Variants in PRRX2 observed in about 807,000 individuals in gnomAD.
The protein encoded by PRRX2 is paired related homeobox 2, also known as paired mesoderm homeobox protein 2.
A neutral mutation model predicts 18.0 loss-of-function variants in PRRX2; 11 were observed. That is an observed-to-expected ratio of 0.61 (90% confidence interval 0.39 to 1.01). The LOEUF (loss-of-function observed/expected upper bound fraction) is 1.01, where lower values mean the gene tolerates loss of function less well. PRRX2 is among the 50% of genes least tolerant of loss of function. The pLI is 0.01. For missense variants in PRRX2, 387 were observed against 351.0 expected (o/e 1.10, Z -0.82); for synonymous variants, 177 against 154.8 (o/e 1.14, Z -1.06).
chr9:129,718,128 G>A (rs895747592), intron 1 of PRRX2, among the ~76,000 whole-genome samples: 2 of 151,644 alleles, frequency 1.3e-5, no homozygotes, highest in African/African-American at 4.8e-5. Context: ...ACCTCCCCAG[G>A]GTTCTGCTGG....
chr9:129,722,112 GA>G (rs1832800324), intron 3 of PRRX2, 104 bp from the exon 4 acceptor site: 3 of 1,489,922 alleles, frequency 2.0e-6, no homozygotes, highest in Non-Finnish European at 2.7e-6. Flanking sequence ...GGCTGCCCAG[GA>G]GAGCAAGCTA....
chr9:129,684,375 C>T (rs1832270004), intron 1 of PRRX2, among the ~76,000 whole-genome samples: 1 of 151,426 alleles, frequency 6.6e-6, no homozygotes, highest in Non-Finnish European at 1.5e-5. Context: ...TCTCTGGCTT[C>T]ACCCTTTCCT....
chr9:129,688,897 G>T (rs1832325724), intron 1 of PRRX2, among the ~76,000 whole-genome samples: 1 of 152,196 alleles, frequency 6.6e-6, no homozygotes, highest in Non-Finnish European at 1.5e-5. Flanking sequence ...CCTCCCCTCT[G>T]CGGCCTCAGG....
Position 129,665,781 on chromosome 9 carries a change from G to A in PRRX2, c.-87G>A, listed in dbSNP as rs1190621809. On this transcript the variant is annotated 5_prime_UTR_variant, in exon 1 of 4. Transcript: ENST00000372469. This position sits in a 1 kb window ranked among gnomAD's most constrained non-coding sequence, Gnocchi z 5.3. ...GAGCTGGGCAGAGCGCGGGGCGGCCGGGGCTCTCGCTCCGACCCGCGCCCG... is the reference window on the plus strand; with the variant it reads ...GAGCTGGGCAGAGCGCGGGGCGGCCAGGGCTCTCGCTCCGACCCGCGCCCG... The A allele has an allele frequency of 2.8e-5, 26 of 938,642 alleles. No homozygotes were observed. The South Asian group carries it at 1.1e-3, about 39-fold the overall frequency. The allele number at this position is 938,642 out of a possible 1,614,324, so 58.1% of individuals were successfully genotyped here. A position where few individuals can be genotyped will look rare whatever the true frequency, so the allele number is the denominator to read the frequency against.
chr9:129,671,428 G>A lies in PRRX2; in HGVS notation c.259+5302G>A, dbSNP rs556909841. Among the ~76,000 whole-genome samples the A allele has an allele frequency of 3.9e-5, 6 of 152,294 alleles. No homozygotes were observed. Among genetic ancestry groups the A allele is most frequent in the African/African-American group, 1.4e-4 (6 of 41,554 alleles). On this transcript the variant is annotated intron_variant, in intron 1 of 3. Coordinates refer to ENST00000372469, the MANE Select transcript of PRRX2 (RefSeq NM_016307.4). The surrounding 1 kb of genome is among the most constrained non-coding windows in gnomAD (Gnocchi z 4.0). ...TGGAGCTTGGGGGCCTGGCACAGGG[G>A]GCTTAGACCGGCTTGCCCTTCTCTG... is the stretch of plus-strand genomic sequence containing the variant.
At chr9:129,693,360 A>G (rs764565460) in intron 1 of PRRX2, among the ~76,000 whole-genome samples, 23 of 152,292 alleles carry the variant, frequency 1.5e-4, no homozygotes, top group Middle Eastern at 6.8e-3. Flanking sequence ...TTGGGAGGCC[A>G]AGGCGGGCGG....
In PRRX2 at chr9:129,715,792, A is replaced by T. The variant is rs1015922653; in HGVS notation, c.260-3439A>T. ...CACACACACACACACACACACACACACTCATTTACAGTCTCATGGAGCAAT... is the reference window on the plus strand; with the variant it reads ...CACACACACACACACACACACACACTCTCATTTACAGTCTCATGGAGCAAT... On this transcript the variant is annotated intron_variant, in intron 1 of 3. Transcript: ENST00000372469. This position sits in a 1 kb window ranked among gnomAD's most constrained non-coding sequence, Gnocchi z 4.0. Among the ~76,000 whole-genome samples the T allele has an allele frequency of 2.8e-5, 4 of 144,336 alleles. No individual in the cohort carries two copies. The highest frequency in any genetic ancestry group is 1.0e-4 in the African/African-American group (4 of 39,140). The allele number at this position is 144,336 out of a possible 152,430, so 94.7% of individuals were successfully genotyped here. A position where few individuals can be genotyped will look rare whatever the true frequency, so the allele number is the denominator to read the frequency against.
Position 129,719,362 on chromosome 9 carries a change from G to A in PRRX2, c.391G>A (p.Ala131Thr), listed in dbSNP as rs868425102. ...RVFERTHYPD[A>T]FVREELARRV... ...GTTCGAGCGCACGCACTACCCCGACGCCTTTGTGCGCGAGGAGCTTGCCCG... is the reference window on the plus strand; with the variant it reads ...GTTCGAGCGCACGCACTACCCCGACACCTTTGTGCGCGAGGAGCTTGCCCG... The change falls in exon 2 of 4, where the codon GCC becomes ACC. Residue 131 changes from alanine (A) to threonine (T), a missense_variant. Coordinates refer to ENST00000372469, the MANE Select transcript of PRRX2 (RefSeq NM_016307.4). 4.5e-6 allele frequency: 7 copies of A among 1,571,638 alleles called. No homozygotes were observed. The African/African-American group carries it at 8.1e-5, about 18-fold the overall frequency.
intron 1 of PRRX2, among the ~76,000 whole-genome samples, chr9:129,667,388 C>G (rs1292680620): frequency 1.3e-5 from 2 of 152,188 alleles, no homozygotes; most frequent in Admixed American, 6.5e-5. Flanking sequence ...AATGCCCTGC[C>G]GGCCCAAGGT....
At chr9:129,690,351 C>T (rs1832346773) in intron 1 of PRRX2, among the ~76,000 whole-genome samples, 1 of 152,146 alleles carries the variant, frequency 6.6e-6, no homozygotes, top group Admixed American at 6.5e-5. Context: ...ATGGAGTTGG[C>T]ACACAGGTTG....
At position 129,719,422 on chromosome 9, in the gene PRRX2, A is replaced by T. The variant is rs1832759747; in HGVS notation, c.447+4A>T. Reference sequence around the variant, plus strand: ...CCTCAGCGAGGCGCGCGTTCAGGTGAGCGCTCAGTCCCGGGCCTCCCGTGG... The same window carrying T: ...CCTCAGCGAGGCGCGCGTTCAGGTGTGCGCTCAGTCCCGGGCCTCCCGTGG... On this transcript the variant is annotated splice_donor_region_variant and intron_variant, in intron 2 of 3. Coordinates refer to ENST00000372469, the MANE Select transcript of PRRX2 (RefSeq NM_016307.4). 6.6e-6 allele frequency: 10 copies of T among 1,522,814 alleles called. No homozygotes were observed. The East Asian group carries it at 2.5e-4, about 38-fold the overall frequency. 94.3% of individuals were successfully genotyped at this position (1,522,814 alleles called of 1,614,324 possible).
chr9:129,714,517 A>G (rs993697473), intron 1 of PRRX2, among the ~76,000 whole-genome samples: 6 of 152,152 alleles, frequency 3.9e-5, no homozygotes, highest in Non-Finnish European at 7.4e-5. Context: ...TCCTGTCCCA[A>G]CCGGCTCTGG....
chr9:129,714,503 C>T (rs1188480372), intron 1 of PRRX2, among the ~76,000 whole-genome samples: 2 of 152,186 alleles, frequency 1.3e-5, no homozygotes, highest in Non-Finnish European at 1.5e-5. Context: ...GCACTTGGCA[C>T]CACTCCTGTC....
intron 1 of PRRX2, among the ~76,000 whole-genome samples, chr9:129,696,143 C>T (rs1204324402): frequency 6.6e-6 from 1 of 151,694 alleles, no homozygotes; most frequent in African/African-American, 2.4e-5. Flanking sequence ...GAAGACAAAA[C>T]CCACCTCCAC....
chr9:129,702,066 A>G (rs1473752980), intron 1 of PRRX2, among the ~76,000 whole-genome samples: 2 of 150,402 alleles, frequency 1.3e-5, no homozygotes, highest in Admixed American at 1.3e-4. Flanking sequence ...GCACCACTGC[A>G]CTCCAGCCTG....
chr9:129,717,708 A>G (rs928552914), intron 1 of PRRX2, among the ~76,000 whole-genome samples: 15 of 151,562 alleles, frequency 9.9e-5, no homozygotes, highest in African/African-American at 3.6e-4. Flanking sequence ...AAAAAAAAAA[A>G]AAAAAAGAAA....
chr9:129,712,426 C>A (rs1008035155), intron 1 of PRRX2, among the ~76,000 whole-genome samples: 1 of 152,110 alleles, frequency 6.6e-6, no homozygotes, highest in Non-Finnish European at 1.5e-5. Flanking sequence ...ACTATTTAGA[C>A]CCTTAAATTA....
In PRRX2 at chr9:129,692,992, T is replaced by C. The variant is rs148190420; in HGVS notation, c.260-26239T>C. On this transcript the variant is annotated intron_variant, in intron 1 of 3. Transcript: ENST00000372469. The stretch of plus-strand genomic sequence containing the variant: ...CGGCCAAGCTGTCTTCCAAAGTGGC[T>C]GTACCATTTCGCATTCTCGCCAGCA... Among the ~76,000 whole-genome samples the C allele has an allele frequency of 6.8e-4, 104 of 152,340 alleles. 2 individuals are homozygous for C. The highest frequency in any genetic ancestry group is 2.4e-3 in the African/African-American group (100 of 41,576).
chr9:129,715,750 T>TCTCTCTCTCTCTCCCA lies in PRRX2; in HGVS notation c.260-3480_260-3479insTCTCTCTCTCTCCCAC, dbSNP rs762929485. Among the ~76,000 whole-genome samples the TCTCTCTCTCTCTCCCA allele has an allele frequency of 4.3e-5, 6 of 138,862 alleles. No individual in the cohort carries two copies. Among genetic ancestry groups the TCTCTCTCTCTCTCCCA allele is most frequent in the African/African-American group, 1.6e-4 (6 of 36,808 alleles). 91.1% of individuals were successfully genotyped at this position (138,862 alleles called of 152,430 possible). A position where few individuals can be genotyped will look rare whatever the true frequency, so the allele number is the denominator to read the frequency against. ...AAACCCAGCTTCAGGGACATCTTTCTCACACACACACACACACACACACAC... is the reference window on the plus strand; with the variant it reads ...AAACCCAGCTTCAGGGACATCTTTCTCTCTCTCTCTCTCCCACACACACACACACACACACACACAC... On this transcript the variant is annotated intron_variant, in intron 1 of 3. Coordinates refer to ENST00000372469, the MANE Select transcript of PRRX2 (RefSeq NM_016307.4). This position sits in a 1 kb window ranked among gnomAD's most constrained non-coding sequence, Gnocchi z 4.0.
Sources: allele counts gnomAD v4.1 joint callset (sites outside exome capture counted in the v4.1 genomes callset), GRCh38; gene constraint gnomAD v4.1.1; non-coding constraint Gnocchi (gnomAD v3.1); transcripts MANE v1.5; gene names NCBI Gene and HGNC (gene_info 2026-07-23, HGNC 2026-07-21).